IKBKB: variants seen among roughly 807,000 people sequenced by gnomAD.
The protein encoded by IKBKB is inhibitor of nuclear factor kappa-B kinase subunit beta.
In IKBKB, 42 loss-of-function variants were observed where a neutral mutation model predicts 113.6. That is an observed-to-expected ratio of 0.37 (90% CI 0.29 to 0.48). The LOEUF (loss-of-function observed/expected upper bound fraction) is 0.48, where lower values mean the gene tolerates loss of function less well. IKBKB is among the 20% of genes least tolerant of loss of function. IKBKB has a pLI of 0.99. For missense variants in IKBKB, 673 were observed against 939.7 expected (o/e 0.72, Z 3.71); for synonymous variants, 296 against 361.3 (o/e 0.82, Z 2.05).
At chr8:42,284,985 T>C (rs1484139308) in intron 2 of IKBKB, among the ~76,000 whole-genome samples, 1 of 150,384 alleles carries the variant, frequency 6.6e-6, no homozygotes, top group East Asian at 2.0e-4. Flanking sequence ...GTCTCCCGAG[T>C]AGCTAGGATT....
At chr8:42,309,555 G>C in intron 8 of IKBKB, 1 of 334,130 alleles carries the variant, frequency 3.0e-6, no homozygotes, top group South Asian at 2.3e-5. Context: ...AGCAGTTCCA[G>C]ACCAGCCTGG....
Position 42,288,655 on chromosome 8 carries a change from A to G in IKBKB, c.127A>G (p.Ile43Val). 6.2e-7 allele frequency: 1 copy of G among 1,611,172 alleles called. No homozygotes were observed. Among genetic ancestry groups the G allele is most frequent in the Non-Finnish European group, 8.5e-7 (1 of 1,178,528 alleles). ...HNQETGEQIA[I>V]KQCRQELSPR... ...GTAGGAAACAGGTGAGCAGATTGCC[A>G]TCAAGCAGTGCCGGCAGGAGCTCAG... The change falls in exon 3 of 22, where the codon ATC becomes GTC. Residue 43 changes from isoleucine (I) to valine (V), a missense_variant. Physicochemically the swap from Ile to Val is conservative, Grantham distance 29 (BLOSUM62 3). Coordinates refer to ENST00000520810, the MANE Select transcript of IKBKB (RefSeq NM_001556.3).
At chr8:42,322,221 C>T (rs1481659719) in intron 18 of IKBKB, 68 bp downstream of exon 18, 1 of 1,554,652 alleles carries the variant, frequency 6.4e-7, no homozygotes, top group Admixed American at 1.7e-5. Context: ...CACCTTCCTC[C>T]CTCCTCTCTG....
In IKBKB at chr8:42,316,892, T is replaced by G; in HGVS notation, c.1113T>G (p.Ile371Met). ...CCGATAAGCCTGCCACTCAGTGTAT[T>G]TCAGACGGCAAGGTGAGCCCTGGCT... ...LIPDKPATQC[I>M]SDGKLNEGHT... The change falls in exon 11 of 22, where the codon ATT becomes ATG. Residue 371 changes from isoleucine to methionine, a missense_variant. Coordinates refer to ENST00000520810, the MANE Select transcript of IKBKB (RefSeq NM_001556.3). The surrounding 1 kb of genome is among the most constrained non-coding windows in gnomAD (Gnocchi z 4.5). 6.2e-7 allele frequency: 1 copy of G among 1,614,030 alleles called. No individual in the cohort carries two copies. The highest frequency in any genetic ancestry group is 8.5e-7 in the Non-Finnish European group (1 of 1,180,002).
In IKBKB at chr8:42,272,951, A is replaced by C. The variant is rs139793934; in HGVS notation, c.105+746A>C. Among the ~76,000 whole-genome samples, 1,305 of 151,292 alleles carry C rather than the reference A, an allele frequency of 8.6e-3. 9 individuals are homozygous for C. The highest frequency in any genetic ancestry group is 0.013 in the Non-Finnish European group (876 of 67,844). ...TGAGACTCCGTCTCAAAAAAAAAAA[A>C]AAAAAAAAAACCTTAGGCAGCCTTG... On this transcript the variant is annotated intron_variant, in intron 2 of 21. Coordinates refer to ENST00000520810, the MANE Select transcript of IKBKB (RefSeq NM_001556.3).
At chr8:42,272,386 C>T in intron 2 of IKBKB, 181 bp downstream of exon 2, 2 of 697,934 alleles carry the variant, frequency 2.9e-6, no homozygotes, top group Middle Eastern at 4.7e-4. Flanking sequence ...TTAGTGGTCT[C>T]CATGCTTTAT....
intron 4 of IKBKB, among the ~76,000 whole-genome samples, 190 bp from the exon 5 acceptor site, chr8:42,293,253 T>G: frequency 6.6e-6 from 1 of 152,170 alleles, no homozygotes; most frequent in East Asian, 1.9e-4. Flanking sequence ...GACTGCTTCC[T>G]CTTTCTCCTC....
At chr8:42,292,794 G>A (rs1370196468) in intron 4 of IKBKB, among the ~76,000 whole-genome samples, 1 of 152,152 alleles carries the variant, frequency 6.6e-6, no homozygotes, top group Non-Finnish European at 1.5e-5. Flanking sequence ...ACCTGGCGCC[G>A]CATTCCAGCA....
intron 21 of IKBKB, chr8:42,330,324 G>A (rs1821529989): frequency 1.0e-6 from 1 of 982,974 alleles, no homozygotes; most frequent in African/African-American, 1.7e-5. Context: ...ATTAATAAAA[G>A]GGTTTGGCTT....
intron 4 of IKBKB, among the ~76,000 whole-genome samples, chr8:42,292,394 G>A (rs1812818806): frequency 6.6e-6 from 1 of 152,218 alleles, no homozygotes; most frequent in Admixed American, 6.5e-5. Context: ...TTGAGGGGGA[G>A]GCAGGAAGGG....
intron 8 of IKBKB, among the ~76,000 whole-genome samples, chr8:42,311,418 G>A (rs1289015808): frequency 6.6e-6 from 1 of 151,960 alleles, no homozygotes; most frequent in Non-Finnish European, 1.5e-5. Context: ...AAAATTAGCT[G>A]GGCATGGTGG....
At chr8:42,309,556 A>G in intron 8 of IKBKB, 1 of 334,200 alleles carries the variant, frequency 3.0e-6, no homozygotes, top group Non-Finnish European at 5.9e-6. Flanking sequence ...GCAGTTCCAG[A>G]CCAGCCTGGC....
intron 21 of IKBKB, 101 bp from the exon 22 acceptor site, chr8:42,330,813 T>C: frequency 6.3e-7 from 1 of 1,586,858 alleles, no homozygotes; most frequent in African/African-American, 1.3e-5. Flanking sequence ...TGGCTGGGTT[T>C]TAGTATATTT....
At chr8:42,273,833 A>G (rs1342876239) in intron 2 of IKBKB, among the ~76,000 whole-genome samples, 1 of 152,064 alleles carries the variant, frequency 6.6e-6, no homozygotes, top group Non-Finnish European at 1.5e-5. Flanking sequence ...GATTACAGCC[A>G]TGAGTCATTG....
chr8:42,314,243 T>C, intron 8 of IKBKB, 79 bp from the exon 9 acceptor site: 1 of 1,009,280 alleles, frequency 9.9e-7, no homozygotes, highest in Non-Finnish European at 1.6e-6. Flanking sequence ...AGGACTAAAA[T>C]CACCTAATGA....
At chr8:42,310,057 T>C (rs1817416435) in intron 8 of IKBKB, among the ~76,000 whole-genome samples, 1 of 152,218 alleles carries the variant, frequency 6.6e-6, no homozygotes, top group South Asian at 2.1e-4. Context: ...AGACCATTTT[T>C]ATTTGTCAGT....
At chr8:42,321,744 A>C in intron 16 of IKBKB, 152 bp from the exon 17 acceptor site, 1 of 608,286 alleles carries the variant, frequency 1.6e-6, no homozygotes. Flanking sequence ...TAATCCCAGC[A>C]CCTTGGGATG....
At chr8:42,324,582 A>G (rs1365329559) in intron 19 of IKBKB, 1 of 152,608 alleles carries the variant, frequency 6.6e-6, no homozygotes, top group Non-Finnish European at 1.5e-5. Flanking sequence ...TTCAAAGCAC[A>G]CAGGACACAT....
chr8:42,282,672 T>G (rs1388553391), intron 2 of IKBKB, among the ~76,000 whole-genome samples: 1 of 152,234 alleles, frequency 6.6e-6, no homozygotes, highest in Non-Finnish European at 1.5e-5. Flanking sequence ...GTGTTTGAGT[T>G]CCACTGCTAG....
Sources: gnomAD v4.1 joint callset for allele counts (sites outside exome capture counted in the v4.1 genomes callset) on GRCh38, gnomAD v4.1.1 for gene constraint, Gnocchi (gnomAD v3.1) non-coding constraint, MANE v1.5 for transcripts, NCBI Gene and HGNC (gene_info 2026-07-23, HGNC 2026-07-21) for gene names.